Variants in HTR4 observed in about 807,000 individuals in gnomAD.
HTR4 encodes the protein 5-hydroxytryptamine (serotonin) receptor 4, G protein-coupled.
In HTR4, 16 loss-of-function variants were observed where a neutral mutation model predicts 36.8. The ratio of observed to expected loss-of-function variants is 0.43; its 90% CI spans 0.29 to 0.66. The LOEUF (loss-of-function observed/expected upper bound fraction) is 0.66. Ranked by LOEUF, HTR4 falls within the 30% of genes least tolerant of loss-of-function variation. The probability of loss-of-function intolerance (pLI) is 0.13; values close to 1 mark genes in which losing one functional copy is unlikely to be tolerated. For synonymous variants in HTR4, 189 were observed against 185.1 expected, an observed-to-expected ratio of 1.02 and a Z score of -0.17; for missense variants, 438 against 490.9, an observed-to-expected ratio of 0.89 and a Z score of 1.02.
chr5:148,505,357 T>C (rs1163343867), intron 6 of HTR4, among the ~76,000 whole-genome samples: 2 of 152,198 alleles, frequency 1.3e-5, no homozygotes, highest in Admixed American at 6.5e-5. Flanking sequence ...AAGTTAGGTA[T>C]TGATGGGACA....
At chr5:148,505,471 A>G (rs1051762182) in intron 6 of HTR4, among the ~76,000 whole-genome samples, 43 of 152,044 alleles carry the variant, frequency 2.8e-4, no homozygotes, top group African/African-American at 6.3e-4. Context: ...ACAAGACAGG[A>G]ATGCCCTCTC....
At chr5:148,529,820 A>T (rs771460272) in intron 4 of HTR4, among the ~76,000 whole-genome samples, 5 of 152,218 alleles carry the variant, frequency 3.3e-5, no homozygotes, top group Non-Finnish European at 5.9e-5. Context: ...TGATAATGAT[A>T]TACACAGTAA....
Position 148,523,292 on chromosome 5 carries a change from C to A in HTR4, c.408G>T (p.Leu136=). ...AGCCTCCCAGCATTAATGCGATGCG[C>A]AGAGGGGTCATCTTGTTCCTATAGA... ...PLVYRNKMTP[L]RIALMLGGCW... Residue 136 remains leucine (L), a synonymous_variant, in exon 5 of 7, where the codon CTG becomes CTT. Transcript: ENST00000377888. 1.2e-6 allele frequency: 2 copies of A among 1,613,272 alleles called. No individual in the cohort carries two copies. The highest frequency in any genetic ancestry group is 1.7e-6 in the Non-Finnish European group (2 of 1,179,676).
intron 2 of HTR4, among the ~76,000 whole-genome samples, chr5:148,598,736 A>G (rs186903481): frequency 6.6e-6 from 1 of 152,252 alleles, no homozygotes; most frequent in Admixed American, 6.5e-5. Flanking sequence ...ACTTAAAGTA[A>G]ATCTACTTTT....
chr5:148,621,536 C>A (rs1409455953), intron 2 of HTR4, among the ~76,000 whole-genome samples: 1 of 152,208 alleles, frequency 6.6e-6, no homozygotes, highest in African/African-American at 2.4e-5. Context: ...GAGACCAATT[C>A]TAACGACTGT....
At chr5:148,571,634 T>C (rs1008417965) in intron 2 of HTR4, among the ~76,000 whole-genome samples, 2 of 152,058 alleles carry the variant, frequency 1.3e-5, no homozygotes, top group Non-Finnish European at 2.9e-5. Flanking sequence ...TAGAAAAATA[T>C]GACTTTCAAG....
chr5:148,537,115 A>C (rs562821221), intron 4 of HTR4, among the ~76,000 whole-genome samples: 41 of 152,290 alleles, frequency 2.7e-4, no homozygotes, highest in African/African-American at 9.4e-4. Context: ...CATGGAAATT[A>C]AAAAATATGC....
At chr5:148,573,833 G>T (rs184443319) in intron 2 of HTR4, among the ~76,000 whole-genome samples, 1 of 151,856 alleles carries the variant, frequency 6.6e-6, no homozygotes, top group Admixed American at 6.6e-5. Context: ...AGGAGTGCAG[G>T]TTAATGACAC....
intron 6 of HTR4, among the ~76,000 whole-genome samples, chr5:148,501,647 T>C (rs2113754540): frequency 6.6e-6 from 1 of 152,306 alleles, no homozygotes; most frequent in South Asian, 2.1e-4. Flanking sequence ...GCAGAATTCC[T>C]GTCCTTTGTA....
At chr5:148,486,593 A>G (rs982633122) in intron 6 of HTR4, among the ~76,000 whole-genome samples, 3 of 152,182 alleles carry the variant, frequency 2.0e-5, no homozygotes, top group East Asian at 1.9e-4. Context: ...TTCTGATTCT[A>G]TGAGTAGCAG....
chr5:148,599,114 G>A (rs1761891922), intron 2 of HTR4, among the ~76,000 whole-genome samples: 1 of 152,010 alleles, frequency 6.6e-6, no homozygotes, highest in Non-Finnish European at 1.5e-5. Flanking sequence ...AAAAAGAATG[G>A]AATACAACAA....
intron 6 of HTR4, among the ~76,000 whole-genome samples, chr5:148,497,137 A>G (rs1756723257): frequency 6.6e-6 from 1 of 151,910 alleles, no homozygotes; most frequent in Non-Finnish European, 1.5e-5. Context: ...AAAAAAAACC[A>G]TTTTTTTTAA....
chr5:148,605,570 T>C (rs926911166), intron 2 of HTR4, among the ~76,000 whole-genome samples: 3 of 152,026 alleles, frequency 2.0e-5, no homozygotes, highest in African/African-American at 7.2e-5. Flanking sequence ...ACAGATTGCA[T>C]TTTCATGAGG....
At chr5:148,587,934 G>A (rs769930279) in intron 2 of HTR4, among the ~76,000 whole-genome samples, 9 of 152,072 alleles carry the variant, frequency 5.9e-5, no homozygotes, top group African/African-American at 9.7e-5. Context: ...TTGCACCCTC[G>A]TACTTCCTCT....
intron 5 of HTR4, chr5:148,520,878 C>G (rs761397243): frequency 2.2e-6 from 3 of 1,367,442 alleles, no homozygotes; most frequent in Non-Finnish European, 2.9e-6. Flanking sequence ...CTTCTGCCTC[C>G]GGCATTTCTT....
intron 6 of HTR4, among the ~76,000 whole-genome samples, chr5:148,488,061 G>T (rs1049616444): frequency 2.6e-4 from 40 of 152,260 alleles, no homozygotes; most frequent in Non-Finnish European, 5.6e-4. Context: ...ATTGTTAGCT[G>T]ATAAAAACCG....
At chr5:148,586,952 C>T (rs1045694884) in intron 2 of HTR4, among the ~76,000 whole-genome samples, 1 of 152,096 alleles carries the variant, frequency 6.6e-6, no homozygotes, top group African/African-American at 2.4e-5. Flanking sequence ...TTTCTTTTAT[C>T]TGGGGCTGCA....
At chr5:148,572,314 T>G (rs1581492789) in intron 2 of HTR4, among the ~76,000 whole-genome samples, 1 of 152,236 alleles carries the variant, frequency 6.6e-6, no homozygotes, top group Non-Finnish European at 1.5e-5. Context: ...TGGTTATAGA[T>G]ATTATGACTA....
At chr5:148,623,930 C>T (rs566774174) in intron 2 of HTR4, among the ~76,000 whole-genome samples, 6 of 151,102 alleles carry the variant, frequency 4.0e-5, no homozygotes, top group South Asian at 2.1e-4. Context: ...TTCCCCCTCC[C>T]GGATTTTCTT....
Sources: gnomAD v4.1 joint callset for allele counts (sites outside exome capture counted in the v4.1 genomes callset) on GRCh38, gnomAD v4.1.1 for gene constraint, MANE v1.5 for transcripts, NCBI Gene and HGNC (gene_info 2026-07-23, HGNC 2026-07-21) for gene names.